MIR2052HG: variants seen among roughly 807,000 people sequenced by gnomAD.
MIR2052HG encodes MIR2052 host gene.
At chr8:74,622,639 G>A (rs532337596) in intron 2 of MIR2052HG, among the ~76,000 whole-genome samples, 20 of 149,474 alleles carry the variant, frequency 1.3e-4, no homozygotes, top group East Asian at 1.2e-3. Context: ...AAGAAAAGAC[G>A]AAAAAAGAAA....
At chr8:74,604,593 T>TTTTTC (rs1808083171) in intron 1 of MIR2052HG, among the ~76,000 whole-genome samples, 1 of 130,572 alleles carries the variant, frequency 7.7e-6, no homozygotes, top group Non-Finnish European at 1.7e-5. Flanking sequence ...CTTTTTTTTT[T>TTTTTC]TTTTTTTTTT....
At chr8:74,677,953 C>G (rs764780004) in intron 2 of MIR2052HG, among the ~76,000 whole-genome samples, 1 of 152,030 alleles carries the variant, frequency 6.6e-6, no homozygotes, top group Non-Finnish European at 1.5e-5. Flanking sequence ...CTTGAAAAAG[C>G]TCATAACTAC....
At chr8:74,645,227 A>T (rs2128735632) in intron 2 of MIR2052HG, among the ~76,000 whole-genome samples, 1 of 152,300 alleles carries the variant, frequency 6.6e-6, no homozygotes, top group Non-Finnish European at 1.5e-5. Context: ...TTGGTAAATA[A>T]AAAAGTGAAT....
chr8:74,671,770 T>C (rs969871248), intron 2 of MIR2052HG, among the ~76,000 whole-genome samples: 1 of 152,110 alleles, frequency 6.6e-6, no homozygotes, highest in African/African-American at 2.4e-5. Context: ...CTCTGCACAA[T>C]ATCAACCCTT....
At chr8:74,742,353 T>C (rs532062865) in intron 4 of MIR2052HG, among the ~76,000 whole-genome samples, 1 of 152,350 alleles carries the variant, frequency 6.6e-6, no homozygotes, top group East Asian at 1.9e-4. Context: ...AGCTTACCTA[T>C]GAGTAGTCAA....
chr8:74,723,523 C>A (rs1464551313), intron 4 of MIR2052HG, among the ~76,000 whole-genome samples: 1 of 151,434 alleles, frequency 6.6e-6, no homozygotes, highest in Non-Finnish European at 1.5e-5. Flanking sequence ...TAGGCTTCAT[C>A]CTTATTTTTT....
intron 4 of MIR2052HG, among the ~76,000 whole-genome samples, chr8:74,739,931 A>C (rs1013034552): frequency 6.6e-6 from 1 of 152,134 alleles, no homozygotes; most frequent in African/African-American, 2.4e-5. Flanking sequence ...GCTATACACT[A>C]TTTCTAATGT....
chr8:74,632,780 T>C (rs1808532106), intron 2 of MIR2052HG, among the ~76,000 whole-genome samples: 1 of 152,144 alleles, frequency 6.6e-6, no homozygotes, highest in Non-Finnish European at 1.5e-5. Context: ...ATATTATACA[T>C]GGCTCTTTTC....
chr8:74,694,863 G>A (rs1809279574), intron 2 of MIR2052HG, among the ~76,000 whole-genome samples: 1 of 152,120 alleles, frequency 6.6e-6, no homozygotes, highest in Non-Finnish European at 1.5e-5. Context: ...AATGATTGGT[G>A]TTCCTGAGGA....
intron 4 of MIR2052HG, among the ~76,000 whole-genome samples, chr8:74,746,884 A>G (rs563455193): frequency 6.6e-6 from 1 of 152,230 alleles, no homozygotes; most frequent in Non-Finnish European, 1.5e-5. Context: ...TAAACTGAAG[A>G]AAAAAAGAGA....
At chr8:74,713,778 TACTC>T (rs1254488372) in intron 4 of MIR2052HG, among the ~76,000 whole-genome samples, 1 of 152,122 alleles carries the variant, frequency 6.6e-6, no homozygotes, top group African/African-American at 2.4e-5. Flanking sequence ...TTCTCTAACT[TACTC>T]ATTAACAAAA....
chr8:74,646,639 G>A (rs1230781618), intron 2 of MIR2052HG, among the ~76,000 whole-genome samples: 2 of 152,168 alleles, frequency 1.3e-5, no homozygotes, highest in Non-Finnish European at 2.9e-5. Flanking sequence ...AAATTACTAT[G>A]AGCCCCAGGC....
chr8:74,640,736 A>G (rs765247647), intron 2 of MIR2052HG, among the ~76,000 whole-genome samples: 5 of 152,100 alleles, frequency 3.3e-5, no homozygotes, highest in East Asian at 1.9e-4. Flanking sequence ...AAAGCTTTCC[A>G]TAAACATCGT....
chr8:74,748,014 T>C (rs1344650590), intron 4 of MIR2052HG, among the ~76,000 whole-genome samples: 3 of 152,240 alleles, frequency 2.0e-5, no homozygotes, highest in Non-Finnish European at 4.4e-5. Context: ...AATTTTGTTC[T>C]CATTGTCAAA....
intron 2 of MIR2052HG, among the ~76,000 whole-genome samples, chr8:74,669,653 C>T (rs1333780552): frequency 6.6e-6 from 1 of 152,124 alleles, no homozygotes; most frequent in Non-Finnish European, 1.5e-5. Context: ...TTGCCTTTCT[C>T]TCTGTCTTTT....
chr8:74,717,976 G>T (rs763498352), intron 4 of MIR2052HG, among the ~76,000 whole-genome samples: 3 of 151,926 alleles, frequency 2.0e-5, no homozygotes, highest in Non-Finnish European at 4.4e-5. Flanking sequence ...ATCTTAAAAT[G>T]TTTTCTGCTT....
intron 2 of MIR2052HG, among the ~76,000 whole-genome samples, chr8:74,684,674 G>A (rs1293237659): frequency 6.6e-6 from 1 of 152,040 alleles, no homozygotes; most frequent in East Asian, 1.9e-4. Context: ...TTGTTGACTT[G>A]CAACCTTCAA....
chr8:74,616,103 T>C (rs1208055806), intron 2 of MIR2052HG, among the ~76,000 whole-genome samples: 1 of 152,130 alleles, frequency 6.6e-6, no homozygotes, highest in Non-Finnish European at 1.5e-5. Context: ...AGCAGCATGA[T>C]TTATAATCCT....
At chr8:74,734,144 A>G (rs947398909) in intron 4 of MIR2052HG, among the ~76,000 whole-genome samples, 1 of 151,150 alleles carries the variant, frequency 6.6e-6, no homozygotes, top group Non-Finnish European at 1.5e-5. Context: ...ACAAGGAGAC[A>G]TTTAGTTGCT....
Sources: gnomAD v4.1 joint callset for allele counts (sites outside exome capture counted in the v4.1 genomes callset) on GRCh38, gnomAD v4.1.1 for gene constraint, MANE v1.5 for transcripts, NCBI Gene and HGNC (gene_info 2026-07-23, HGNC 2026-07-21) for gene names.